Variants in NRXN1 observed in about 807,000 individuals in gnomAD.
NRXN1 encodes the protein neurexin-1.
A neutral mutation model predicts 150.9 loss-of-function variants in NRXN1; 39 were observed. The observed-to-expected ratio is 0.26, with a 90% CI of 0.20 to 0.34. NRXN1 has a LOEUF of 0.34. Ranked by LOEUF, NRXN1 falls within the 10% of genes least tolerant of loss-of-function variation. The probability of loss-of-function intolerance (pLI) is 1.00; values close to 1 mark genes in which losing one functional copy is unlikely to be tolerated. For synonymous variants in NRXN1, 924 were observed against 757.0 expected (o/e 1.22, Z -3.62); for missense variants, 1,815 against 1,949.9 (o/e 0.93, Z 1.30).
chr2:50,367,663 G>A (rs2079687716), intron 17 of NRXN1, among the ~76,000 whole-genome samples: 1 of 151,906 alleles, frequency 6.6e-6, no homozygotes, highest in South Asian at 2.1e-4. Context: ...TCTACCTTCT[G>A]ACATGCAGAA....
At chr2:50,326,403 C>T (rs1055030694) in intron 17 of NRXN1, among the ~76,000 whole-genome samples, 6 of 152,106 alleles carry the variant, frequency 3.9e-5, no homozygotes, top group Non-Finnish European at 8.8e-5. Context: ...AAAGACTTAG[C>T]CCATGTAAAA....
chr2:50,885,413 A>C (rs1420264365), intron 5 of NRXN1, among the ~76,000 whole-genome samples: 1 of 150,950 alleles, frequency 6.6e-6, no homozygotes, highest in Non-Finnish European at 1.5e-5. Flanking sequence ...AAGTGATATC[A>C]CTGTTGCTAT....
chr2:50,668,322 CAA>C (rs1028730539), intron 5 of NRXN1, among the ~76,000 whole-genome samples: 1 of 151,582 alleles, frequency 6.6e-6, no homozygotes, highest in Non-Finnish European at 1.5e-5. Context: ...GGGAATGGCT[CAA>C]AGAGTGAAAA....
At chr2:49,972,237 A>G (rs904996585) in intron 21 of NRXN1, among the ~76,000 whole-genome samples, 2 of 151,736 alleles carry the variant, frequency 1.3e-5, no homozygotes, top group Non-Finnish European at 2.9e-5. Context: ...AACTGTGTCC[A>G]GTTCTCTGGG....
chr2:50,874,930 A>G (rs1481878991), intron 5 of NRXN1, among the ~76,000 whole-genome samples: 1 of 151,856 alleles, frequency 6.6e-6, no homozygotes. Context: ...GTAGATTTAG[A>G]TGCTAAAACT....
chr2:50,088,407 T>G (rs1463761029), intron 19 of NRXN1, among the ~76,000 whole-genome samples: 1 of 152,172 alleles, frequency 6.6e-6, no homozygotes, highest in East Asian at 1.9e-4. Flanking sequence ...ATCATTAACT[T>G]TTTATATGTA....
chr2:50,409,929 T>A (rs1291390080), intron 17 of NRXN1, among the ~76,000 whole-genome samples: 1 of 152,182 alleles, frequency 6.6e-6, no homozygotes, highest in East Asian at 1.9e-4. Context: ...AGGACAGAGT[T>A]CAAAGCTCTC....
rs76140262 is a variant in NRXN1, at chr2:50,600,946, A to T, written c.1320+19076T>A. ...CACATTCTAAGTTTATTTGTGAATT[A>T]AAAAAAAATGAAAAAAGAAGTATTG... On this transcript the variant is annotated intron_variant, in intron 8 of 22. Transcript: ENST00000401669. Among the ~76,000 whole-genome samples, 405 of 121,752 alleles carry T rather than the reference A, an allele frequency of 3.3e-3. 2 individuals are homozygous for T. The highest frequency in any genetic ancestry group is 5.9e-3 in the Non-Finnish European group (331 of 56,574). The allele number at this position is 121,752 out of a possible 152,430, so 79.9% of individuals were successfully genotyped here. A position where few individuals can be genotyped will look rare whatever the true frequency, so the allele number is the denominator to read the frequency against.
intron 17 of NRXN1, among the ~76,000 whole-genome samples, chr2:50,458,933 G>A (rs1272120277): frequency 6.6e-6 from 1 of 152,012 alleles, no homozygotes; most frequent in Non-Finnish European, 1.5e-5. Flanking sequence ...TACATTTAAA[G>A]TAATCAGATA....
intron 18 of NRXN1, among the ~76,000 whole-genome samples, chr2:50,105,965 T>A (rs1701585903): frequency 6.6e-6 from 1 of 151,792 alleles, no homozygotes; most frequent in Non-Finnish European, 1.5e-5. Context: ...AATTGATCCA[T>A]TAGAAGTAAT....
intron 17 of NRXN1, among the ~76,000 whole-genome samples, chr2:50,302,924 TC>T (rs2074294008): frequency 2.0e-5 from 3 of 151,880 alleles, no homozygotes; most frequent in Non-Finnish European, 4.4e-5. Flanking sequence ...CATCCATCCA[TC>T]CATCCATCCA....
intron 5 of NRXN1, among the ~76,000 whole-genome samples, chr2:50,719,579 G>A (rs1229412646): frequency 2.0e-5 from 3 of 152,016 alleles, no homozygotes; most frequent in African/African-American, 7.2e-5. Context: ...GGGAGGCTGA[G>A]GCAGGAGAAT....
chr2:50,970,774 T>C (rs1442341859), intron 2 of NRXN1, among the ~76,000 whole-genome samples: 1 of 152,000 alleles, frequency 6.6e-6, no homozygotes, highest in Non-Finnish European at 1.5e-5. Context: ...ATAACAGCCT[T>C]TTAATCTTTG....
chr2:50,065,342 C>T (rs539825299), intron 19 of NRXN1, among the ~76,000 whole-genome samples: 2 of 152,158 alleles, frequency 1.3e-5, no homozygotes, highest in African/African-American at 4.8e-5. Flanking sequence ...AAAGCTGACT[C>T]GAAAGTTGTT....
intron 5 of NRXN1, among the ~76,000 whole-genome samples, chr2:50,760,592 A>T (rs957143875): frequency 1.1e-4 from 16 of 151,576 alleles, no homozygotes; most frequent in African/African-American, 3.9e-4. Context: ...GGTACTAGCC[A>T]CTCTAACCAC....
At chr2:50,069,510 A>G (rs1035440934) in intron 19 of NRXN1, among the ~76,000 whole-genome samples, 1 of 152,210 alleles carries the variant, frequency 6.6e-6, no homozygotes, top group Non-Finnish European at 1.5e-5. Context: ...AACTCAGCAA[A>G]TATCTTTTAA....
At chr2:50,417,802 A>G (rs987492275) in intron 17 of NRXN1, among the ~76,000 whole-genome samples, 3 of 151,978 alleles carry the variant, frequency 2.0e-5, no homozygotes, top group Admixed American at 1.3e-4. Context: ...AAAAAGCAAC[A>G]AAGTCCAAAA....
rs1311162095 is a variant in NRXN1 at position 50,684,399 on chromosome 2, G to A, written c.833-60784C>T. On this transcript the variant is annotated intron_variant, in intron 5 of 22. Transcript: ENST00000401669. ...ATGCCTGTAGTCCCAGCTACTAGGA[G>A]GCTAAGGTGGGAAGATCTCTTGAGT... Among the ~76,000 whole-genome samples the A allele has an allele frequency of 2.0e-5, 3 of 152,048 alleles. No individual in the cohort carries two copies. The East Asian group carries it at 5.8e-4, about 29-fold the overall frequency.
chr2:50,389,089 G>C (rs1191665343), intron 17 of NRXN1, among the ~76,000 whole-genome samples: 1 of 151,848 alleles, frequency 6.6e-6, no homozygotes, highest in Non-Finnish European at 1.5e-5. Flanking sequence ...GACAGCTTGA[G>C]CCTGGGAGGC....
Sources: allele counts gnomAD v4.1 joint callset (sites outside exome capture counted in the v4.1 genomes callset), GRCh38; gene constraint gnomAD v4.1.1; transcripts MANE v1.5; gene names NCBI Gene and HGNC (gene_info 2026-07-23, HGNC 2026-07-21).